The following USP6NL variants were observed in gnomAD, a reference collection of about 807,000 sequenced individuals.
USP6NL encodes the protein USP6 N-terminal like.
USP6NL carries 26 observed loss-of-function variants against 61.9 expected under a neutral mutation model. The observed-to-expected ratio is 0.42, with a 90% CI of 0.31 to 0.58. The LOEUF is 0.58. USP6NL is among the 20% of genes least tolerant of loss of function. The probability of loss-of-function intolerance (pLI) is 0.16; values close to 1 mark genes in which losing one functional copy is unlikely to be tolerated. For missense variants in USP6NL, 1,114 were observed against 1,034.3 expected (o/e 1.08, Z -1.06); for synonymous variants, 432 against 390.1 (o/e 1.11, Z -1.27).
In USP6NL at chr10:11,463,293, G is replaced by A. The variant is rs1398212944; in HGVS notation, c.1635C>T (p.Gly545=). The part of the protein sequence containing the change: ...KALDAEDGKR[G]STASQYDNVP... ...CGTTGTCGTACTGCGATGCAGTGGA[G>A]CCCCGCTTCCCGTCCTCAGCATCCA... The change falls in exon 15 of 15, where the codon GGC becomes GGT. Residue 545 remains glycine (G), a synonymous_variant. Transcript: ENST00000609104. The surrounding 1 kb of genome is among the most constrained non-coding windows in gnomAD (Gnocchi z 6.3). 2 of 1,613,860 alleles carry A rather than the reference G, an allele frequency of 1.2e-6. No individual in the cohort carries two copies. The highest frequency in any genetic ancestry group is 2.2e-5 in the East Asian group (1 of 44,872).
intron 14 of USP6NL, among the ~76,000 whole-genome samples, chr10:11,464,476 A>T (rs1591809959): frequency 6.6e-6 from 1 of 152,192 alleles, no homozygotes; most frequent in Non-Finnish European, 1.5e-5. Flanking sequence ...TGGAGGCAGA[A>T]ACTAACCTGC....
intron 2 of USP6NL, among the ~76,000 whole-genome samples, chr10:11,545,889 C>T (rs1836256006): frequency 6.6e-6 from 1 of 151,292 alleles, no homozygotes; most frequent in Non-Finnish European, 1.5e-5. Context: ...TTGCCAACCA[C>T]ACTTTGGCCA....
At chr10:11,550,223 A>T (rs1224350491) in intron 2 of USP6NL, among the ~76,000 whole-genome samples, 4 of 152,106 alleles carry the variant, frequency 2.6e-5, no homozygotes, top group African/African-American at 9.7e-5. Flanking sequence ...GGTTAGCCAA[A>T]TTTTTTTTAA....
At position 11,528,373 on chromosome 10, in the gene USP6NL, C is replaced by T. The variant is rs1320347785; in HGVS notation, c.5-806G>A. Among the ~76,000 whole-genome samples, 1 of 151,196 alleles carries T rather than the reference C, an allele frequency of 6.6e-6. No individual in the cohort carries two copies. The highest frequency in any genetic ancestry group is 1.5e-5 in the Non-Finnish European group (1 of 67,894). ...AGCAAGAAATTCCTAAAAGTAGCAA[C>T]AGCAGTAACAACTGTAACAACTATA... On this transcript the variant is annotated intron_variant, in intron 2 of 14. Coordinates refer to ENST00000609104, the MANE Select transcript of USP6NL (RefSeq NM_014688.5). The surrounding 1 kb of genome is among the most constrained non-coding windows in gnomAD (Gnocchi z 4.6).
intron 2 of USP6NL, among the ~76,000 whole-genome samples, chr10:11,542,506 G>T (rs573080908): frequency 2.6e-5 from 4 of 152,220 alleles, no homozygotes; most frequent in Admixed American, 6.5e-5. Context: ...ATCACCTAAG[G>T]CCAGGAGTTT....
chr10:11,493,565 T>C (rs186746682), intron 7 of USP6NL, among the ~76,000 whole-genome samples: 8 of 152,356 alleles, frequency 5.3e-5, no homozygotes, highest in Admixed American at 5.2e-4. Context: ...TGCAGTCTGT[T>C]ATGATTTCTT....
chr10:11,486,156 C>CT, intron 10 of USP6NL, among the ~76,000 whole-genome samples: 1 of 98,476 alleles, frequency 1.0e-5, no homozygotes, highest in South Asian at 3.4e-4. Flanking sequence ...AAAGGGAAAC[C>CT]TTAAAAAAAA....
intron 2 of USP6NL, among the ~76,000 whole-genome samples, chr10:11,541,858 T>C (rs1417495727): frequency 2.0e-5 from 3 of 152,192 alleles, no homozygotes; most frequent in Admixed American, 2.0e-4. Flanking sequence ...TAAAGACAGA[T>C]GACACTGACA....
chr10:11,550,001 C>T (rs571711266), intron 2 of USP6NL, among the ~76,000 whole-genome samples: 3 of 152,256 alleles, frequency 2.0e-5, no homozygotes, highest in African/African-American at 7.2e-5. Flanking sequence ...TTCATAGGCT[C>T]AAAGTTGCCA....
At chr10:11,508,651 T>C (rs530483615) in intron 6 of USP6NL, among the ~76,000 whole-genome samples, 11 of 152,362 alleles carry the variant, frequency 7.2e-5, no homozygotes, top group African/African-American at 2.6e-4. Context: ...TGATTAAATA[T>C]CAACCCTTGA....
intron 2 of USP6NL, among the ~76,000 whole-genome samples, chr10:11,582,914 A>G (rs1229008161): frequency 6.7e-6 from 1 of 150,242 alleles, no homozygotes; most frequent in African/African-American, 2.5e-5. Context: ...CTGTTCATTC[A>G]TATAAGATTT....
Position 11,513,201 on chromosome 10 carries a change from A to T in USP6NL, c.196-3526T>A, listed in dbSNP as rs1193052330. Reference sequence around the variant, plus strand: ...GAATTAATAACATTCTGTGGTCTCAAGGTGGAGGGGTGGGAAGTAGAATGA... The same window carrying T: ...GAATTAATAACATTCTGTGGTCTCATGGTGGAGGGGTGGGAAGTAGAATGA... On this transcript the variant is annotated intron_variant, in intron 5 of 14. Coordinates refer to ENST00000609104, the MANE Select transcript of USP6NL (RefSeq NM_014688.5). The surrounding 1 kb of genome is among the most constrained non-coding windows in gnomAD (Gnocchi z 4.7). 1.3e-5 allele frequency among the ~76,000 whole-genome samples: 2 copies of T among 152,176 alleles called. No homozygotes were observed. The highest frequency in any genetic ancestry group is 4.8e-5 in the African/African-American group (2 of 41,468).
At chr10:11,531,961 C>CT (rs1410952237) in intron 2 of USP6NL, among the ~76,000 whole-genome samples, 7 of 152,154 alleles carry the variant, frequency 4.6e-5, no homozygotes, top group Admixed American at 4.6e-4. Context: ...CCAAGAACTT[C>CT]TAAGAATCCA....
At chr10:11,570,973 G>A (rs767568029) in intron 2 of USP6NL, among the ~76,000 whole-genome samples, 1 of 151,968 alleles carries the variant, frequency 6.6e-6, no homozygotes, top group Non-Finnish European at 1.5e-5. Context: ...ACTAGACTAT[G>A]TTGCCTAACT....
At chr10:11,536,077 T>C (rs1374585563) in intron 2 of USP6NL, among the ~76,000 whole-genome samples, 1 of 152,204 alleles carries the variant, frequency 6.6e-6, no homozygotes, top group Non-Finnish European at 1.5e-5. Flanking sequence ...AACAAGAGTC[T>C]GAAATACCAC....
intron 10 of USP6NL, among the ~76,000 whole-genome samples, chr10:11,488,630 AATT>A (rs1833580178): frequency 6.6e-6 from 1 of 152,198 alleles, no homozygotes; most frequent in Non-Finnish European, 1.5e-5. Context: ...AAAACTACTT[AATT>A]ATTACCTTTT....
chr10:11,569,728 A>C (rs1200426680), intron 2 of USP6NL, among the ~76,000 whole-genome samples: 1 of 152,196 alleles, frequency 6.6e-6, no homozygotes, highest in Non-Finnish European at 1.5e-5. Context: ...GTGCGTGGAG[A>C]GATTCAGTGA....
rs376413330 is a variant in USP6NL at position 11,484,036 on chromosome 10, G to A, written c.925+935C>T. The stretch of plus-strand genomic sequence containing the variant: ...TGTACTTAGAACAATGCCAAGCACA[G>A]CAGAGAGAAAAACTATAAACAAGAC... On this transcript the variant is annotated intron_variant, in intron 13 of 14. Coordinates refer to ENST00000609104, the MANE Select transcript of USP6NL (RefSeq NM_014688.5). Among the ~76,000 whole-genome samples, 5 of 152,176 alleles carry A rather than the reference G, an allele frequency of 3.3e-5. No individual in the cohort carries two copies. In the East Asian group the frequency reaches 5.8e-4, roughly 18 times the overall value.
chr10:11,505,975 T>A (rs1052383083), intron 6 of USP6NL, among the ~76,000 whole-genome samples: 3 of 152,196 alleles, frequency 2.0e-5, no homozygotes, highest in African/African-American at 7.2e-5. Flanking sequence ...AAAAAAGTTT[T>A]AAACCATCCA....
Sources: allele counts gnomAD v4.1 joint callset (sites outside exome capture counted in the v4.1 genomes callset), GRCh38; gene constraint gnomAD v4.1.1; non-coding constraint Gnocchi (gnomAD v3.1); transcripts MANE v1.5; gene names NCBI Gene and HGNC (gene_info 2026-07-23, HGNC 2026-07-21).